NRBP1: variants seen among roughly 807,000 people sequenced by gnomAD.
The protein encoded by NRBP1 is nuclear receptor-binding protein.
A neutral mutation model predicts 76.0 loss-of-function variants in NRBP1; 10 were observed. The ratio of observed to expected loss-of-function variants is 0.13; its 90% CI spans 0.08 to 0.22. NRBP1 has a LOEUF of 0.22. NRBP1 is among the 10% of genes least tolerant of loss of function. The probability of loss-of-function intolerance (pLI) is 1.00; values close to 1 mark genes in which losing one functional copy is unlikely to be tolerated. For synonymous variants in NRBP1, 235 were observed against 240.2 expected, an observed-to-expected ratio of 0.98 and a Z score of 0.20; for missense variants, 344 against 646.0, an observed-to-expected ratio of 0.53 and a Z score of 5.07.
intron 11 of NRBP1, 97 bp downstream of exon 11, chr2:27,439,995 CT>C (rs70953859): frequency 2.9e-4 from 133 of 459,592 alleles, no homozygotes; most frequent in Middle Eastern, 8.0e-4. Flanking sequence ...CAAAGGGATT[CT>C]TTTTTTTTTT....
chr2:27,433,234 A>G lies in NRBP1; in HGVS notation c.-20-20A>G, dbSNP rs756858146. 1.3e-6 allele frequency: 2 copies of G among 1,546,586 alleles called. No homozygotes were observed. The highest frequency in any genetic ancestry group is 8.9e-7 in the Non-Finnish European group (1 of 1,120,680). Reference sequence around the variant, plus strand: ...GACTTTCTCTGCCTTTTCCCTCTGTATTTGCCCCAACCAGTGCAGGCCTGA... The same window carrying G: ...GACTTTCTCTGCCTTTTCCCTCTGTGTTTGCCCCAACCAGTGCAGGCCTGA... On this transcript the variant is annotated intron_variant, in intron 1 of 17. Transcript: ENST00000379852.
In NRBP1 at chr2:27,441,860, G is replaced by A. The variant is rs200302973; in HGVS notation, c.*48G>A. 6.7e-4 allele frequency: 773 copies of A among 1,154,644 alleles called. 10 individuals are homozygous for A. The South Asian group carries it at 7.2e-3, about 11-fold the overall frequency. 71.5% of individuals were successfully genotyped at this position (1,154,644 alleles called of 1,614,324 possible). On this transcript the variant is annotated 3_prime_UTR_variant, in exon 18 of 18. Coordinates refer to ENST00000379852, the MANE Select transcript of NRBP1 (RefSeq NM_013392.4). ...ATCTGCGCTGTGGCTGTCCCTGGAC[G>A]TGCTGCAGCCCTCCTGTCCCTTCCC...
At position 27,441,547 on chromosome 2, in the gene NRBP1, C is replaced by T. The variant is rs371150876; in HGVS notation, c.1448-20C>T. 3 of 1,613,880 alleles carry T rather than the reference C, an allele frequency of 1.9e-6. No individual in the cohort carries two copies. The highest frequency in any genetic ancestry group is 2.5e-6 in the Non-Finnish European group (3 of 1,179,828). On this transcript the variant is annotated intron_variant, in intron 16 of 17. Transcript: ENST00000379852. ...CCCTCAGTCCCGTACTGTACTCACCCCCTCCTGTTTCTTTGTCAGATGAGA... is the reference window on the plus strand; with the variant it reads ...CCCTCAGTCCCGTACTGTACTCACCTCCTCCTGTTTCTTTGTCAGATGAGA...
chr2:27,440,007 T>A, intron 11 of NRBP1, 109 bp downstream of exon 11: 1 of 298,586 alleles, frequency 3.3e-6, no homozygotes, highest in Non-Finnish European at 4.6e-6. Context: ...TTTTTTTTTT[T>A]TTTTTTTTTT....
At chr2:27,435,330 T>C in intron 7 of NRBP1, 103 bp downstream of exon 7, 1 of 923,174 alleles carries the variant, frequency 1.1e-6, no homozygotes, top group Non-Finnish European at 1.7e-6. Context: ...TTCTGAGGTG[T>C]GGGCTGGTGA....
chr2:27,433,549 A>G, intron 2 of NRBP1, 66 bp downstream of exon 2: 1 of 1,603,646 alleles, frequency 6.2e-7, no homozygotes, highest in Non-Finnish European at 8.5e-7. Flanking sequence ...GGAAGAGCAA[A>G]GTCTTAAAAG....
intron 10 of NRBP1, among the ~76,000 whole-genome samples, 190 bp from the exon 11 acceptor site, chr2:27,439,576 G>T (rs1191635249): frequency 1.3e-5 from 2 of 151,432 alleles, no homozygotes; most frequent in Non-Finnish European, 2.9e-5. Flanking sequence ...GGCAGTGGAT[G>T]GTATCTTTCA....
chr2:27,441,162 G>A lies in NRBP1; in HGVS notation c.1365G>A (p.Glu455=), dbSNP rs754561047. 15 of 1,614,040 alleles carry A rather than the reference G, an allele frequency of 9.3e-6. No individual in the cohort carries two copies. The highest frequency in any genetic ancestry group is 1.3e-5 in the Non-Finnish European group (15 of 1,180,022). Residue 455 remains glutamate, a synonymous_variant, in exon 15 of 18, where the codon GAG becomes GAA. Transcript: ENST00000379852. ...TGCAGTGCAACATTGAGTCGGTGGA[G>A]GAGGGAGTCAAACACCACGTAAGGC... ...VLMQCNIESV[E]EGVKHHLTLL...
At chr2:27,437,647 G>T (rs1454620971) in intron 10 of NRBP1, among the ~76,000 whole-genome samples, 1 of 152,044 alleles carries the variant, frequency 6.6e-6, no homozygotes, top group Non-Finnish European at 1.5e-5. Context: ...CGAGGCGGGC[G>T]GATCACGAGG....
chr2:27,435,985 C>G (rs1664291855), intron 7 of NRBP1: 1 of 596,162 alleles, frequency 1.7e-6, no homozygotes, highest in Non-Finnish European at 3.0e-6. Flanking sequence ...TCTCCCTCAT[C>G]ATCAGGCTAG....
At chr2:27,438,177 CAA>C (rs374457826) in intron 10 of NRBP1, among the ~76,000 whole-genome samples, 133 of 133,106 alleles carry the variant, frequency 1.0e-3, no homozygotes, top group Middle Eastern at 4.1e-3. Context: ...GAGACTGTCT[CAA>C]AAAAAAAAAA....
Position 27,441,922 on chromosome 2 carries a change from TTTA to T in NRBP1, c.*116_*118del, listed in dbSNP as rs1305088848. ...TTACCCTGTGAAGCCCCTTCCCTCCTTTATTATTCAGGAGGGCTGGGGGGGCTC... is the reference window on the plus strand; with the variant it reads ...TTACCCTGTGAAGCCCCTTCCCTCCTTTATTCAGGAGGGCTGGGGGGGCTC... On this transcript the variant is annotated 3_prime_UTR_variant, in exon 18 of 18. Transcript: ENST00000379852. The T allele has an allele frequency of 2.8e-6, 2 of 707,306 alleles. No homozygotes were observed. The highest frequency in any genetic ancestry group is 5.0e-6 in the Non-Finnish European group (2 of 403,104). 43.8% of individuals were successfully genotyped at this position (707,306 alleles called of 1,614,324 possible).
chr2:27,440,498 G>A lies in NRBP1; in HGVS notation c.1132G>A (p.Val378Ile). The change falls in exon 12 of 18, where the codon GTT (valine) becomes ATT (isoleucine). Residue 378 changes from valine to isoleucine, a missense_variant. Coordinates refer to ENST00000379852, the MANE Select transcript of NRBP1 (RefSeq NM_013392.4). Reference protein sequence around the residue: ...EIPAGPGREPVQTLYSQSPAL... With the variant: ...EIPAGPGREPIQTLYSQSPAL... ...CCCTGCAGGACCAGGAAGAGAACCA[G>A]TTCAGACTTTGTGAGTAACTGAGAG... The A allele has an allele frequency of 3.1e-6, 5 of 1,613,884 alleles. No individual in the cohort carries two copies. Among genetic ancestry groups the A allele is most frequent in the Non-Finnish European group, 4.2e-6 (5 of 1,179,722 alleles).
chr2:27,433,811 A>G lies in NRBP1; in HGVS notation c.333+16A>G, dbSNP rs1664199080. The G allele has an allele frequency of 1.2e-6, 2 of 1,613,940 alleles. No individual in the cohort carries two copies. The highest frequency in any genetic ancestry group is 2.7e-5 in the African/African-American group (2 of 74,920). On this transcript the variant is annotated intron_variant, in intron 3 of 17. Coordinates refer to ENST00000379852, the MANE Select transcript of NRBP1 (RefSeq NM_013392.4). ...GCTGCAGGAGGTAGGTGATGCTGAA[A>G]AGGTGAAGCCTGGGGAATGTTGGAA...
rs139511812 is a variant in NRBP1, at chr2:27,441,129, G to A, written c.1332G>A (p.Val444=). 2.9e-4 allele frequency: 467 copies of A among 1,613,490 alleles called. No homozygotes were observed. Among genetic ancestry groups the A allele is most frequent in the Middle Eastern group, 3.6e-4 (2 of 5,578 alleles). Reference sequence around the variant, plus strand: ...GTGACCCTCTCTTCCCTCCCTAGGTGGTGCTGATGCAGTGCAACATTGAGT... The same window carrying A: ...GTGACCCTCTCTTCCCTCCCTAGGTAGTGCTGATGCAGTGCAACATTGAGT... ...PEPAEVETRK[V]VLMQCNIESV... The change falls in exon 15 of 18, where the codon GTG becomes GTA. Residue 444 remains valine, a splice_region_variant and synonymous_variant. Coordinates refer to ENST00000379852, the MANE Select transcript of NRBP1 (RefSeq NM_013392.4).
At chr2:27,429,143 G>A (rs996372126) in intron 1 of NRBP1, 1 of 153,426 alleles carries the variant, frequency 6.5e-6, no homozygotes, top group Non-Finnish European at 1.5e-5. Flanking sequence ...GCGGGGGCGT[G>A]GCCTGCGCCC....
chr2:27,434,828 G>A (rs1664245013), intron 6 of NRBP1, 66 bp downstream of exon 6: 1 of 1,472,006 alleles, frequency 6.8e-7, no homozygotes, highest in African/African-American at 1.4e-5. Context: ...CAGATTTCAG[G>A]GCACTACTCT....
rs1156679077 is a variant in NRBP1, at chr2:27,438,963, AAAAG to A, written c.904-791_904-788del. ...GGCACAGCAAGACCCTGTCTCAGAA[AAAAG>A]AAAGAAAGAAAATAAGGCAGAATCG... On this transcript the variant is annotated intron_variant, in intron 10 of 17. Transcript: ENST00000379852. Among the ~76,000 whole-genome samples, 36 of 152,250 alleles carry A rather than the reference AAAAG, an allele frequency of 2.4e-4. 1 individual carries two copies. The South Asian group carries it at 3.1e-3, about 13-fold the overall frequency.
rs1664183947 is a variant in NRBP1 at position 27,433,399 on chromosome 2, C to T, written c.126C>T (p.Ser42=). Residue 42 remains serine, a synonymous_variant, in exon 2 of 18, where the codon TCC becomes TCT. Coordinates refer to ENST00000379852, the MANE Select transcript of NRBP1 (RefSeq NM_013392.4). ...TGACCTCCACAACCTCAGCTGCTTC[C>T]CCAGAGGAAGAAGAAGAAAGTGAAG... ...PPVTSTTSAA[S]PEEEEESEDE... 1 of 1,614,242 alleles carries T rather than the reference C, an allele frequency of 6.2e-7. No individual in the cohort carries two copies. Among genetic ancestry groups the T allele is most frequent in the South Asian group, 1.1e-5 (1 of 91,092 alleles).
Sources: allele counts gnomAD v4.1 joint callset (sites outside exome capture counted in the v4.1 genomes callset), GRCh38; gene constraint gnomAD v4.1.1; transcripts MANE v1.5; gene names NCBI Gene and HGNC (gene_info 2026-07-23, HGNC 2026-07-21).